Variants in TMEM131L observed in about 807,000 individuals in gnomAD.
TMEM131L encodes the protein transmembrane protein 131-like.
A neutral mutation model predicts 192.2 loss-of-function variants in TMEM131L; 54 were observed. The observed-to-expected ratio is 0.28, with a 90% CI of 0.23 to 0.35. The LOEUF (loss-of-function observed/expected upper bound fraction) is 0.35. TMEM131L is among the 10% of genes least tolerant of loss of function. The probability of loss-of-function intolerance (pLI) is 1.00; values close to 1 mark genes in which losing one functional copy is unlikely to be tolerated. For missense variants in TMEM131L, 1,888 were observed against 1,972.9 expected, an observed-to-expected ratio of 0.96 and a Z score of 0.82; for synonymous variants, 701 against 704.9, an observed-to-expected ratio of 0.99 and a Z score of 0.09.
In TMEM131L at chr4:153,636,281, C is replaced by T. The variant is rs755996820; in HGVS notation, c.4558-20C>T. ...TTTTTTTTCTTTTAACTTATTTTTC[C>T]TTCCTCATTTATACTTCAGCCCTAC... is the stretch of plus-strand genomic sequence containing the variant. On this transcript the variant is annotated intron_variant, in intron 34 of 34. Transcript: ENST00000409959. 46 of 1,578,624 alleles carry T rather than the reference C, an allele frequency of 2.9e-5. No homozygotes were observed. The highest frequency in any genetic ancestry group is 3.7e-5 in the Non-Finnish European group (43 of 1,163,176).
chr4:153,622,789 G>C, intron 28 of TMEM131L, 109 bp from the exon 29 acceptor site: 4 of 1,009,614 alleles, frequency 4.0e-6, no homozygotes, highest in Non-Finnish European at 4.7e-6. Context: ...AGCAGAGGTA[G>C]CTGAAGGTGA....
At chr4:153,506,427 T>C (rs1189268291) in intron 3 of TMEM131L, among the ~76,000 whole-genome samples, 3 of 152,204 alleles carry the variant, frequency 2.0e-5, no homozygotes, top group African/African-American at 4.8e-5. Context: ...CCTTCAGGTA[T>C]CAAGAATAGA....
chr4:153,602,318 A>G lies in TMEM131L; in HGVS notation c.2433A>G (p.Thr811=). ...ATCAGTTTTCCCTGGACCCAAACAC[A>G]TCCCGCGATATCAGCATTGTGTAAG... The part of the protein sequence containing the change: ...DCHQFSLDPN[T]SRDISIVFTP... Residue 811 remains threonine, a synonymous_variant, in exon 22 of 35, where the codon ACA becomes ACG. Coordinates refer to ENST00000409959, the MANE Select transcript of TMEM131L (RefSeq NM_001131007.2). 2 of 1,613,398 alleles carry G rather than the reference A, an allele frequency of 1.2e-6. No individual in the cohort carries two copies. Among genetic ancestry groups the G allele is most frequent in the Admixed American group, 1.7e-5 (1 of 59,800 alleles).
At position 153,486,841 on chromosome 4, in the gene TMEM131L, A is replaced by G. The variant is rs1449273236; in HGVS notation, c.239+12953A>G. 3.3e-5 allele frequency among the ~76,000 whole-genome samples: 5 copies of G among 152,364 alleles called. No homozygotes were observed. The East Asian group carries it at 9.6e-4, about 29-fold the overall frequency. On this transcript the variant is annotated intron_variant, in intron 3 of 34. Transcript: ENST00000409959. ...CCTGCAGGGTTTAGTCATAGGGAGC[A>G]CAACCCGGCTTTGCCTAAGTGGGAG...
At chr4:153,610,236 T>C (rs1241500441) in intron 25 of TMEM131L, among the ~76,000 whole-genome samples, 3 of 152,166 alleles carry the variant, frequency 2.0e-5, no homozygotes, top group Admixed American at 6.5e-5. Flanking sequence ...TCCCGGGAAA[T>C]AGCATTAGTA....
At position 153,558,273 on chromosome 4, in the gene TMEM131L, A is replaced by T. The variant is rs1199196368; in HGVS notation, c.565A>T (p.Thr189Ser). ...VLSYHVSGIGTRRISTEGSAK... is the reference protein window; with the variant it reads ...VLSYHVSGIGSRRISTEGSAK... Reference sequence around the variant, plus strand: ...TTTTCCGCAGGTATCTGGAATTGGCACTCGTAGAATCTCTACAGAAGGGTC... The same window carrying T: ...TTTTCCGCAGGTATCTGGAATTGGCTCTCGTAGAATCTCTACAGAAGGGTC... The change falls in exon 7 of 35, where the codon ACT (threonine) becomes TCT (serine). Residue 189 changes from threonine (T) to serine (S), a missense_variant. By Grantham distance (58) the Thr-to-Ser change is moderately conservative. Coordinates refer to ENST00000409959, the MANE Select transcript of TMEM131L (RefSeq NM_001131007.2). 1 of 1,586,892 alleles carries T rather than the reference A, an allele frequency of 6.3e-7. No homozygotes were observed. Among genetic ancestry groups the T allele is most frequent in the Admixed American group, 1.7e-5 (1 of 59,650 alleles).
intron 7 of TMEM131L, among the ~76,000 whole-genome samples, chr4:153,558,944 C>T (rs1728675608): frequency 1.3e-5 from 2 of 152,190 alleles, no homozygotes; most frequent in Non-Finnish European, 2.9e-5. Flanking sequence ...GGGTTGGCTA[C>T]TTTTTCCCTT....
intron 3 of TMEM131L, among the ~76,000 whole-genome samples, chr4:153,545,539 G>T (rs1173433943): frequency 6.6e-6 from 1 of 151,906 alleles, no homozygotes; most frequent in Admixed American, 6.6e-5. Context: ...CACCCACCTC[G>T]GCCTCCCAAA....
At chr4:153,469,794 T>C (rs1461374684) in intron 2 of TMEM131L, among the ~76,000 whole-genome samples, 1 of 152,024 alleles carries the variant, frequency 6.6e-6, no homozygotes, top group Non-Finnish European at 1.5e-5. Context: ...GGCGTGGTGG[T>C]GCAGGCCTGT....
intron 3 of TMEM131L, among the ~76,000 whole-genome samples, chr4:153,485,881 G>A (rs1484874098): frequency 6.6e-6 from 1 of 152,200 alleles, no homozygotes; most frequent in African/African-American, 2.4e-5. Flanking sequence ...AGGTGGATAT[G>A]TGGTAGTATT....
In TMEM131L at chr4:153,612,248, A is replaced by G; in HGVS notation, c.3419-4A>G. ...AGAAATTGAATTGTTTTTGTTTATTAAAGGGAATAACCAGCAAGTACCTGT... is the reference window on the plus strand; with the variant it reads ...AGAAATTGAATTGTTTTTGTTTATTGAAGGGAATAACCAGCAAGTACCTGT... On this transcript the variant is annotated splice_polypyrimidine_tract_variant and splice_region_variant and intron_variant, in intron 25 of 34. Transcript: ENST00000409959. 6.6e-7 allele frequency: 1 copy of G among 1,526,074 alleles called. No individual in the cohort carries two copies. The highest frequency in any genetic ancestry group is 8.8e-7 in the Non-Finnish European group (1 of 1,142,272). 94.5% of individuals were successfully genotyped at this position (1,526,074 alleles called of 1,614,324 possible). A position where few individuals can be genotyped will look rare whatever the true frequency, so the allele number is the denominator to read the frequency against.
At chr4:153,557,141 T>A (rs1728525453) in intron 6 of TMEM131L, 59 bp downstream of exon 6, 2 of 760,998 alleles carry the variant, frequency 2.6e-6, no homozygotes, top group African/African-American at 3.5e-5. Context: ...TAGGGGTGTG[T>A]GTGTATATTT....
chr4:153,546,126 A>G (rs1737155606), intron 3 of TMEM131L, among the ~76,000 whole-genome samples: 1 of 151,834 alleles, frequency 6.6e-6, no homozygotes, highest in African/African-American at 2.4e-5. Context: ...CCTAGGCTTG[A>G]GCAATCCTCC....
rs1580192606 is a variant in TMEM131L, at chr4:153,550,089, T to C, written c.256T>C (p.Phe86Leu). Reference sequence around the variant, plus strand: ...TTTTTTTAGCTTCTCGGACAAACTATTTAGTGGAAAAGGCTTACATTTTCA... The same window carrying C: ...TTTTTTTAGCTTCTCGGACAAACTACTTAGTGGAAAAGGCTTACATTTTCA... ...SQEQSFSDKL[F>L]SGKGLHFQPS... The change falls in exon 4 of 35, where the codon TTT becomes CTT. Residue 86 changes from phenylalanine (F) to leucine (L), a missense_variant. Coordinates refer to ENST00000409959, the MANE Select transcript of TMEM131L (RefSeq NM_001131007.2). 1.3e-6 allele frequency: 2 copies of C among 1,492,158 alleles called. No individual in the cohort carries two copies. 92.4% of individuals were successfully genotyped at this position (1,492,158 alleles called of 1,614,324 possible). A position where few individuals can be genotyped will look rare whatever the true frequency, so the allele number is the denominator to read the frequency against.
At chr4:153,587,897 T>G in intron 15 of TMEM131L, 86 bp downstream of exon 15, 1 of 943,644 alleles carries the variant, frequency 1.1e-6, no homozygotes, top group Non-Finnish European at 1.8e-6. Flanking sequence ...GTCAATGGAA[T>G]AATTAGTTCT....
chr4:153,471,015 G>A (rs887594755), intron 2 of TMEM131L, among the ~76,000 whole-genome samples: 1 of 149,398 alleles, frequency 6.7e-6, no homozygotes, highest in Admixed American at 6.7e-5. Context: ...GAGACTGAGT[G>A]TTGCTCTTGT....
chr4:153,622,001 G>A, intron 28 of TMEM131L, 152 bp downstream of exon 28: 1 of 781,120 alleles, frequency 1.3e-6, no homozygotes, highest in Non-Finnish European at 2.0e-6. Flanking sequence ...CTTTCAGGGT[G>A]AGACCAGAAA....
intron 3 of TMEM131L, among the ~76,000 whole-genome samples, chr4:153,528,077 G>A (rs772833372): frequency 4.2e-4 from 64 of 152,160 alleles, no homozygotes; most frequent in African/African-American, 9.7e-5. Context: ...GCCACGCCTT[G>A]TTGAGTTCTC....
chr4:153,612,681 A>G (rs1222169512), intron 26 of TMEM131L, among the ~76,000 whole-genome samples: 1 of 152,150 alleles, frequency 6.6e-6, no homozygotes, highest in African/African-American at 2.4e-5. Flanking sequence ...CTTGACTAAC[A>G]TATTCCTTCT....
Sources: allele counts gnomAD v4.1 joint callset (sites outside exome capture counted in the v4.1 genomes callset), GRCh38; gene constraint gnomAD v4.1.1; transcripts MANE v1.5; gene names NCBI Gene and HGNC (gene_info 2026-07-23, HGNC 2026-07-21).